Variants in PRAG1 observed in about 807,000 individuals in gnomAD.
PRAG1 encodes PEAK1 related, kinase-activating pseudokinase 1.
PRAG1 carries 110 observed loss-of-function variants against 95.6 expected under a neutral mutation model. The ratio of observed to expected loss-of-function variants is 1.15; its 90% CI spans 0.99 to 1.35. PRAG1 has a LOEUF of 1.35. Ranked by LOEUF, PRAG1 falls within the 40% of genes most tolerant of loss-of-function variation. PRAG1 has a pLI of 0.00. For missense variants in PRAG1, 2,554 were observed against 1,864.7 expected (o/e 1.37, Z -6.81); for synonymous variants, 1,052 against 819.4 (o/e 1.28, Z -4.85).
At chr8:8,358,255 C>T (rs893838555) in intron 3 of PRAG1, among the ~76,000 whole-genome samples, 5 of 152,158 alleles carry the variant, frequency 3.3e-5, no homozygotes, top group Non-Finnish European at 7.4e-5. Context: ...ATGGGCAAGG[C>T]GTGTGGGAAG....
At position 8,319,302 on chromosome 8, in the gene PRAG1, T is replaced by C; in HGVS notation, c.3073A>G (p.Ile1025Val). ...EDPGSTYAVK[I>V]CKAPEPKTVS... is the part of the protein sequence containing the mutation. ...GTTTTGGGCTCAGGGGCTTTGCAGATCTGTGGAGAGAAGAAGAAGTGAAAT... is the reference window on the plus strand; with the variant it reads ...GTTTTGGGCTCAGGGGCTTTGCAGACCTGTGGAGAGAAGAAGAAGTGAAAT... The change falls in exon 6 of 6, where the codon ATC (isoleucine) becomes GTC (valine). Residue 1025 changes from isoleucine (I) to valine (V), a missense_variant and splice_region_variant. Transcript: ENST00000615670. 1 of 1,503,966 alleles carries C rather than the reference T, an allele frequency of 6.6e-7. No individual in the cohort carries two copies. The highest frequency in any genetic ancestry group is 8.9e-7 in the Non-Finnish European group (1 of 1,124,442). 93.2% of individuals were successfully genotyped at this position (1,503,966 alleles called of 1,614,324 possible).
chr8:8,339,149 G>A (rs982498115), intron 4 of PRAG1, among the ~76,000 whole-genome samples: 2 of 152,070 alleles, frequency 1.3e-5, no homozygotes, highest in African/African-American at 4.8e-5. Flanking sequence ...TGTGGTTTAG[G>A]ACCCATCCTG....
rs1274993203 is a variant in PRAG1, at chr8:8,328,091, C to A, written c.2691G>T (p.Gly897=). The A allele has an allele frequency of 3.0e-5, 49 of 1,610,296 alleles. No individual in the cohort carries two copies. The highest frequency in any genetic ancestry group is 4.2e-5 in the Non-Finnish European group (49 of 1,177,368). Residue 897 remains glycine (G), a synonymous_variant, in exon 5 of 6, where the codon GGG becomes GGT. Transcript: ENST00000615670. ...KGSGHWLPAA[G]LAGNRGGCGS... The stretch of plus-strand genomic sequence containing the variant: ...CGCAGCCGCCTCTGTTGCCCGCCAG[C>A]CCTGCTGCCGGAAGCCAGTGGCCAC...
rs757087219 is a variant in PRAG1 at position 8,318,983 on chromosome 8, T to C, written c.3392A>G (p.Asn1131Ser). ...RVCFLLLQLC[N>S]GLEHLKEHGI... The stretch of plus-strand genomic sequence containing the variant: ...GTGCTCCTTCAGGTGCTCCAGCCCG[T>C]TGCAGAGTTGCAGAAGCAGGAAGCA... Residue 1131 changes from asparagine (N) to serine (S), a missense_variant, in exon 6 of 6, where the codon AAC becomes AGC. Asn to Ser is a conservative substitution (Grantham distance 46). Coordinates refer to ENST00000615670, the MANE Select transcript of PRAG1 (RefSeq NM_001080826.3). The surrounding 1 kb of genome is among the most constrained non-coding windows in gnomAD (Gnocchi z 4.2). The C allele has an allele frequency of 3.7e-6, 6 of 1,613,378 alleles. No individual in the cohort carries two copies. Among genetic ancestry groups the C allele is most frequent in the Non-Finnish European group, 5.1e-6 (6 of 1,179,776 alleles).
intron 3 of PRAG1, among the ~76,000 whole-genome samples, chr8:8,367,290 T>G (rs1381603957): frequency 2.0e-5 from 3 of 151,372 alleles, no homozygotes; most frequent in African/African-American, 7.3e-5. Context: ...GAACCCCATC[T>G]CTACTAATAA....
In PRAG1 at chr8:8,378,062, G is replaced by A. The variant is rs764782201; in HGVS notation, c.347C>T (p.Ala116Val). 10 of 1,539,994 alleles carry A rather than the reference G, an allele frequency of 6.5e-6. No individual in the cohort carries two copies. Among genetic ancestry groups the A allele is most frequent in the Non-Finnish European group, 7.9e-6 (9 of 1,144,808 alleles). Residue 116 changes from alanine (A) to valine (V), a missense_variant, in exon 3 of 6, where the codon GCC becomes GTC. By Grantham distance (64) the Ala-to-Val change is moderately conservative. Coordinates refer to ENST00000615670, the MANE Select transcript of PRAG1 (RefSeq NM_001080826.3). The part of the protein sequence containing the change: ...AEVSQVIWRR[A>V]PGKLPLPKQE... The stretch of plus-strand genomic sequence containing the variant: ...CTTCGGGAGGGGGAGCTTGCCAGGG[G>A]CTCGTCTCCAGATGACCTACACACA...
intron 3 of PRAG1, among the ~76,000 whole-genome samples, chr8:8,368,046 A>G (rs1473904846): frequency 6.6e-6 from 1 of 152,244 alleles, no homozygotes; most frequent in East Asian, 1.9e-4. Context: ...ATAAAGTAAT[A>G]TCACCACCAG....
chr8:8,383,000 A>G (rs1800734511), intron 1 of PRAG1, among the ~76,000 whole-genome samples: 1 of 152,208 alleles, frequency 6.6e-6, no homozygotes, highest in African/African-American at 2.4e-5. Context: ...TTCAAGAGCA[A>G]AATCTTCCTT....
At chr8:8,359,156 C>T (rs2116886261) in intron 3 of PRAG1, among the ~76,000 whole-genome samples, 1 of 152,232 alleles carries the variant, frequency 6.6e-6, no homozygotes, top group South Asian at 2.1e-4. Context: ...TGAAGAGGAA[C>T]TTTTTACTTT....
At chr8:8,382,504 T>C (rs989500116) in intron 1 of PRAG1, among the ~76,000 whole-genome samples, 2 of 152,174 alleles carry the variant, frequency 1.3e-5, no homozygotes, top group Non-Finnish European at 2.9e-5. Context: ...GCTGCTGAGG[T>C]CCACAATGCT....
At chr8:8,358,409 C>G (rs1311947441) in intron 3 of PRAG1, among the ~76,000 whole-genome samples, 3 of 152,098 alleles carry the variant, frequency 2.0e-5, no homozygotes, top group Non-Finnish European at 4.4e-5. Flanking sequence ...AAAGCATCAG[C>G]CATTAGTGAT....
chr8:8,355,666 G>C (rs1399589746), intron 3 of PRAG1, among the ~76,000 whole-genome samples: 5 of 152,022 alleles, frequency 3.3e-5, no homozygotes, highest in Non-Finnish European at 5.9e-5. Flanking sequence ...CATCAAAAGG[G>C]CACCATAGAA....
In PRAG1 at chr8:8,318,234, C is replaced by A. The variant is rs2117088335; in HGVS notation, c.4141G>T (p.Asp1381Tyr). ...VDRRRGVELE[D>Y]WLCCQYLASA... is the part of the protein sequence containing the mutation. ...GCCAGGTACTGGCAGCAAAGCCAGT[C>A]CTCCAGCTCCACGCCCCGCCTGCGA... The change falls in exon 6 of 6, where the codon GAC (aspartate) becomes TAC (tyrosine). Residue 1381 changes from aspartate to tyrosine, a missense_variant. Coordinates refer to ENST00000615670, the MANE Select transcript of PRAG1 (RefSeq NM_001080826.3). The surrounding 1 kb of genome is among the most constrained non-coding windows in gnomAD (Gnocchi z 4.2). 1.2e-6 allele frequency: 2 copies of A among 1,614,200 alleles called. No homozygotes were observed. The highest frequency in any genetic ancestry group is 1.7e-6 in the Non-Finnish European group (2 of 1,180,026).
rs185973272 is a variant in PRAG1, at chr8:8,378,286, T to C, written c.331-208A>G. ...ATTGCTGGGGCACCCGCTGAGCCAT[T>C]TGTCTTCCCAGACACTGAGCTGCCC... is the stretch of plus-strand genomic sequence containing the variant. On this transcript the variant is annotated intron_variant, in intron 2 of 5. Transcript: ENST00000615670. Among the ~76,000 whole-genome samples, 545 of 152,266 alleles carry C rather than the reference T, an allele frequency of 3.6e-3. 4 individuals are homozygous for C. The highest frequency in any genetic ancestry group is 0.012 in the African/African-American group (513 of 41,552).
chr8:8,328,985 TTC>T (rs1215547775), intron 4 of PRAG1, among the ~76,000 whole-genome samples: 1 of 152,256 alleles, frequency 6.6e-6, no homozygotes, highest in Non-Finnish European at 1.5e-5. Context: ...CTTAAATTGT[TTC>T]CAATATTTTG....
chr8:8,378,227 GC>G, intron 2 of PRAG1, 149 bp from the exon 3 acceptor site: 1 of 866,444 alleles, frequency 1.2e-6, no homozygotes, highest in Non-Finnish European at 1.7e-6. Flanking sequence ...CTCAGTGCAC[GC>G]CCACCTTCTC....
intron 5 of PRAG1, among the ~76,000 whole-genome samples, chr8:8,323,313 T>A (rs1283050746): frequency 5.1e-5 from 7 of 136,348 alleles, no homozygotes; most frequent in South Asian, 2.5e-4. Context: ...GGGTTTTCTT[T>A]TCCCTCCCTT....
chr8:8,326,385 T>C (rs1487352290), intron 5 of PRAG1, among the ~76,000 whole-genome samples: 1 of 152,032 alleles, frequency 6.6e-6, no homozygotes, highest in African/African-American at 2.4e-5. Flanking sequence ...TGCACTTTTC[T>C]AACTGGAAAA....
At chr8:8,333,123 T>C (rs1462091275) in intron 4 of PRAG1, among the ~76,000 whole-genome samples, 2 of 152,212 alleles carry the variant, frequency 1.3e-5, no homozygotes, top group African/African-American at 2.4e-5. Context: ...TGGTGTTGGA[T>C]TGCTGTTTCC....
Sources: allele counts gnomAD v4.1 joint callset (sites outside exome capture counted in the v4.1 genomes callset), GRCh38; gene constraint gnomAD v4.1.1; non-coding constraint Gnocchi (gnomAD v3.1); transcripts MANE v1.5; gene names NCBI Gene and HGNC (gene_info 2026-07-23, HGNC 2026-07-21).